PPARGC1A: variants seen among roughly 807,000 people sequenced by gnomAD.
PPARGC1A encodes the protein PPARG coactivator 1 alpha, also known as peroxisome proliferator-activated receptor gamma coactivator 1-alpha.
PPARGC1A carries 25 observed loss-of-function variants against 88.7 expected under a neutral mutation model. The ratio of observed to expected loss-of-function variants is 0.28; its 90% CI spans 0.21 to 0.39. PPARGC1A has a LOEUF of 0.39. Among genes scored for constraint, PPARGC1A ranks in the 10% least tolerant of loss-of-function variants. PPARGC1A has a pLI of 1.00. For missense variants in PPARGC1A, 880 were observed against 968.7 expected (o/e 0.91, Z 1.22); for synonymous variants, 363 against 355.6 (o/e 1.02, Z -0.24).
At chr4:24,258,598 A>G in the PPARGC1A span, among the ~76,000 whole-genome samples, 3 of 152,200 alleles carry the variant, frequency 2.0e-5, no homozygotes, top group African/African-American at 7.2e-5. Flanking sequence ...TCCCATATCC[A>G]TTTTAAAACA....
the PPARGC1A span, among the ~76,000 whole-genome samples, chr4:24,299,813 A>G: frequency 2.0e-5 from 3 of 152,180 alleles, no homozygotes; most frequent in African/African-American, 4.8e-5. Flanking sequence ...CGAAATATGA[A>G]TAATGTTACC....
chr4:24,228,927 C>T, the PPARGC1A span, among the ~76,000 whole-genome samples: 1 of 152,098 alleles, frequency 6.6e-6, no homozygotes, highest in Non-Finnish European at 1.5e-5. Flanking sequence ...GTTGAAAATG[C>T]AGATATGCAG....
chr4:23,819,333 G>A (rs1333952554), intron 7 of PPARGC1A, among the ~76,000 whole-genome samples: 2 of 152,138 alleles, frequency 1.3e-5, no homozygotes, highest in East Asian at 3.9e-4. Context: ...GTCCATTTGG[G>A]AGTGGCCTGC....
At chr4:23,798,686 C>A (rs1193148155) in intron 12 of PPARGC1A, among the ~76,000 whole-genome samples, 1 of 152,078 alleles carries the variant, frequency 6.6e-6, no homozygotes, top group African/African-American at 2.4e-5. Flanking sequence ...ATCCTGTAGT[C>A]CTACTTTAAT....
the PPARGC1A span, among the ~76,000 whole-genome samples, chr4:24,183,739 T>C: frequency 1.3e-5 from 2 of 152,186 alleles, no homozygotes; most frequent in African/African-American, 4.8e-5. Flanking sequence ...ATCTGGAACA[T>C]CTGATCTTGA....
At chr4:24,179,038 T>C in the PPARGC1A span, among the ~76,000 whole-genome samples, 1 of 150,826 alleles carries the variant, frequency 6.6e-6, no homozygotes, top group Non-Finnish European at 1.5e-5. Context: ...TTCTTTGTGC[T>C]AGGACTAAGC....
the PPARGC1A span, among the ~76,000 whole-genome samples, chr4:24,309,584 TTTAG>T: frequency 6.6e-6 from 1 of 152,094 alleles, no homozygotes; most frequent in African/African-American, 2.4e-5. Context: ...AATCTTTTTA[TTTAG>T]TTAGTTTTTT....
intron 2 of PPARGC1A, among the ~76,000 whole-genome samples, chr4:23,876,767 A>T (rs1431536506): frequency 1.3e-5 from 2 of 152,140 alleles, no homozygotes; most frequent in Non-Finnish European, 2.9e-5. Context: ...TCTACAGCCC[A>T]TTAACACCCA....
At chr4:23,839,155 C>T (rs1008660480) in intron 2 of PPARGC1A, among the ~76,000 whole-genome samples, 1 of 152,126 alleles carries the variant, frequency 6.6e-6, no homozygotes. Flanking sequence ...TAGACTCCAT[C>T]CTTATTGATT....
chr4:24,139,027 G>A, the PPARGC1A span, among the ~76,000 whole-genome samples: 1 of 152,166 alleles, frequency 6.6e-6, no homozygotes, highest in African/African-American at 2.4e-5. Flanking sequence ...AAACTCTGTG[G>A]AGTTCTTCAG....
At chr4:24,095,524 G>A in the PPARGC1A span, among the ~76,000 whole-genome samples, 1 of 151,872 alleles carries the variant, frequency 6.6e-6, no homozygotes, top group African/African-American at 2.4e-5. Flanking sequence ...GGAAAATTGG[G>A]TCACAGAGAC....
At chr4:24,425,513 G>A in the PPARGC1A span, among the ~76,000 whole-genome samples, 17 of 152,066 alleles carry the variant, frequency 1.1e-4, no homozygotes, top group African/African-American at 3.9e-4. Context: ...AATGTTAGTC[G>A]TTTCTTATTC....
At chr4:23,913,936 A>G in the PPARGC1A span, among the ~76,000 whole-genome samples, 1 of 152,218 alleles carries the variant, frequency 6.6e-6, no homozygotes, top group Non-Finnish European at 1.5e-5. Flanking sequence ...TGAAAAAGAC[A>G]AAAGGCTTGC....
chr4:23,847,987 CAA>C (rs942791319), intron 2 of PPARGC1A, among the ~76,000 whole-genome samples: 13 of 152,078 alleles, frequency 8.5e-5, no homozygotes, highest in Non-Finnish European at 2.9e-5. Context: ...AATAATTAAT[CAA>C]AGTCAGCCCA....
chr4:24,027,229 G>GTGTGTGTGTGTC, the PPARGC1A span, among the ~76,000 whole-genome samples: 50 of 143,364 alleles, frequency 3.5e-4, no homozygotes, highest in African/African-American at 1.3e-3. Flanking sequence ...CTGTGTGTCT[G>GTGTGTGTGTGTC]TGTGTGTCTG....
the PPARGC1A span, among the ~76,000 whole-genome samples, chr4:24,449,052 CCCA>C: frequency 1.1e-3 from 173 of 152,246 alleles, no homozygotes; most frequent in Non-Finnish European, 2.2e-3. Flanking sequence ...TCTTTCAGGT[CCCA>C]CATACCAGTG....
At chr4:24,221,169 C>G in the PPARGC1A span, among the ~76,000 whole-genome samples, 1 of 152,042 alleles carries the variant, frequency 6.6e-6, no homozygotes, top group African/African-American at 2.4e-5. Flanking sequence ...GAAAGAGAAA[C>G]AAGAAAAAGA....
intron 7 of PPARGC1A, among the ~76,000 whole-genome samples, chr4:23,822,467 C>T (rs1164084571): frequency 1.3e-5 from 2 of 152,048 alleles, no homozygotes; most frequent in Non-Finnish European, 2.9e-5. Flanking sequence ...AGTCCTTTAA[C>T]TGCCTTTATC....
At chr4:24,213,727 G>A in the PPARGC1A span, among the ~76,000 whole-genome samples, 3,093 of 151,722 alleles carry the variant, frequency 0.02, 120 homozygotes, top group African/African-American at 0.071. Flanking sequence ...GCATGTGTTT[G>A]TGTGTGTGTG....
Sources: allele counts gnomAD v4.1 joint callset (sites outside exome capture counted in the v4.1 genomes callset), GRCh38; gene constraint gnomAD v4.1.1; transcripts MANE v1.5; gene names NCBI Gene and HGNC (gene_info 2026-07-23, HGNC 2026-07-21).